Variants in NTM observed in about 807,000 individuals in gnomAD.
NTM encodes neurotrimin.
Under a neutral mutation model 42.1 loss-of-function variants are expected in NTM, and 13 were observed. The observed-to-expected ratio is 0.31, with a 90% CI of 0.20 to 0.49. The LOEUF (loss-of-function observed/expected upper bound fraction) is 0.49, where lower values mean the gene tolerates loss of function less well. Among genes scored for constraint, NTM ranks in the 20% least tolerant of loss-of-function variants. NTM has a pLI of 0.99. For missense variants in NTM, 373 were observed against 452.8 expected, an observed-to-expected ratio of 0.82 and a Z score of 1.60; for synonymous variants, 187 against 179.2, an observed-to-expected ratio of 1.04 and a Z score of -0.35.
intron 1 of NTM, among the ~76,000 whole-genome samples, chr11:131,860,997 G>A (rs1395930884): frequency 6.6e-6 from 1 of 152,114 alleles, no homozygotes; most frequent in East Asian, 1.9e-4. Flanking sequence ...GCACCCTGTC[G>A]GTTGGCCTCC....
Position 131,804,036 on chromosome 11 carries a change from C to T in NTM, c.83-107528C>T, listed in dbSNP as rs140966461. ...ATTACCAGCTCTGTCTTCCTTGCCC[C>T]GACATAAAATCTGTCTCTCAGGCCT... On this transcript the variant is annotated intron_variant, in intron 1 of 8. Transcript: ENST00000683400. Among the ~76,000 whole-genome samples, 194 of 152,280 alleles carry T rather than the reference C, an allele frequency of 1.3e-3. 1 individual carries two copies. The highest frequency in any genetic ancestry group is 3.9e-3 in the African/African-American group (164 of 41,562).
intron 4 of NTM, among the ~76,000 whole-genome samples, chr11:132,274,079 T>A (rs1565359010): frequency 6.6e-6 from 1 of 152,188 alleles, no homozygotes; most frequent in Non-Finnish European, 1.5e-5. Context: ...CAGTAATGTT[T>A]CCTCCTTAAT....
intron 2 of NTM, among the ~76,000 whole-genome samples, chr11:132,104,909 T>A (rs2062100595): frequency 8.3e-6 from 1 of 120,766 alleles, no homozygotes; most frequent in African/African-American, 3.1e-5. Context: ...CACAGGGAGA[T>A]CCTCTCTCTC....
intron 1 of NTM, among the ~76,000 whole-genome samples, chr11:131,898,229 G>C (rs676025): frequency 0.38 from 57,532 of 152,058 alleles, 12,942 homozygotes; most frequent in African/African-American, 0.64. Flanking sequence ...GGGAAAGCAC[G>C]CCAGTTCTCT....
At chr11:131,966,743 A>G (rs1037481866) in intron 2 of NTM, among the ~76,000 whole-genome samples, 1 of 152,174 alleles carries the variant, frequency 6.6e-6, no homozygotes, top group African/African-American at 2.4e-5. Context: ...CCCTCTCACC[A>G]TGACAGAAAC....
At chr11:131,848,295 C>T (rs2045158539) in intron 1 of NTM, among the ~76,000 whole-genome samples, 1 of 152,176 alleles carries the variant, frequency 6.6e-6, no homozygotes, top group African/African-American at 2.4e-5. Context: ...GACATGATAC[C>T]TGCAGTAGCC....
At chr11:132,199,546 C>T (rs563938536) in intron 3 of NTM, among the ~76,000 whole-genome samples, 6 of 152,238 alleles carry the variant, frequency 3.9e-5, no homozygotes, top group African/African-American at 1.4e-4. Flanking sequence ...GGTCAGGTGA[C>T]CTCTTCCCCT....
intron 2 of NTM, among the ~76,000 whole-genome samples, chr11:131,939,096 T>C (rs755446183): frequency 2.8e-4 from 42 of 152,102 alleles, no homozygotes; most frequent in Non-Finnish European, 5.9e-4. Context: ...AATCTTGAAA[T>C]TGGGTAAAAT....
chr11:131,707,053 A>G (rs1164196008), intron 1 of NTM, among the ~76,000 whole-genome samples: 2 of 152,036 alleles, frequency 1.3e-5, no homozygotes, highest in African/African-American at 4.8e-5. Context: ...TATAGTCACC[A>G]TGCTATGTAA....
intron 4 of NTM, among the ~76,000 whole-genome samples, chr11:132,232,834 G>A (rs1019016370): frequency 2.6e-5 from 4 of 152,180 alleles, no homozygotes; most frequent in African/African-American, 7.2e-5. Context: ...AGATAAAGGT[G>A]TTTTTACATT....
chr11:131,795,227 C>A, intron 1 of NTM: 4 of 382,004 alleles, frequency 1.0e-5, no homozygotes, highest in Non-Finnish European at 1.4e-5. Flanking sequence ...CCAGCTCTCT[C>A]GTATCTCTTC....
At chr11:131,983,643 TG>T (rs1322875230) in intron 2 of NTM, among the ~76,000 whole-genome samples, 1 of 152,220 alleles carries the variant, frequency 6.6e-6, no homozygotes, top group African/African-American at 2.4e-5. Flanking sequence ...CCCAAAGTGC[TG>T]GTATTACAGG....
intron 1 of NTM, among the ~76,000 whole-genome samples, chr11:131,515,068 T>C (rs1230164833): frequency 6.6e-6 from 1 of 152,148 alleles, no homozygotes; most frequent in Non-Finnish European, 1.5e-5. Flanking sequence ...TGTGCCACTA[T>C]GCCTGGCTAA....
chr11:131,719,146 G>A (rs1262079209), intron 1 of NTM, among the ~76,000 whole-genome samples: 2 of 152,110 alleles, frequency 1.3e-5, no homozygotes, highest in Non-Finnish European at 2.9e-5. Flanking sequence ...CTGGACTCCA[G>A]CTATCTGCCC....
At chr11:132,187,552 C>T (rs11608132) in intron 3 of NTM, among the ~76,000 whole-genome samples, 3,360 of 152,284 alleles carry the variant, frequency 0.022, 73 homozygotes, top group Non-Finnish European at 0.028. Context: ...TGAGGCTCCT[C>T]TGACAAATTT....
At chr11:131,426,367 A>C (rs960510608) in intron 1 of NTM, among the ~76,000 whole-genome samples, 5 of 152,116 alleles carry the variant, frequency 3.3e-5, no homozygotes, top group African/African-American at 1.2e-4. Flanking sequence ...AAGCCAGTGC[A>C]TCCCCACAAG....
At chr11:131,789,924 C>A (rs1204793148) in intron 1 of NTM, among the ~76,000 whole-genome samples, 1 of 137,260 alleles carries the variant, frequency 7.3e-6, no homozygotes, top group African/African-American at 2.8e-5. Flanking sequence ...CCACTGCACT[C>A]CAGCCTGGGC....
chr11:131,525,955 C>A (rs2050418586), intron 1 of NTM, among the ~76,000 whole-genome samples: 1 of 152,208 alleles, frequency 6.6e-6, no homozygotes, highest in Non-Finnish European at 1.5e-5. Flanking sequence ...CAAACTGTCT[C>A]ATGGCTCCAT....
At chr11:132,123,276 C>A (rs1223909106) in intron 2 of NTM, among the ~76,000 whole-genome samples, 1 of 152,138 alleles carries the variant, frequency 6.6e-6, no homozygotes, top group East Asian at 1.9e-4. Context: ...ACTGGAAAGG[C>A]ACAGGGGGCA....
Sources: allele counts gnomAD v4.1 joint callset (sites outside exome capture counted in the v4.1 genomes callset), GRCh38; gene constraint gnomAD v4.1.1; transcripts MANE v1.5; gene names NCBI Gene and HGNC (gene_info 2026-07-23, HGNC 2026-07-21).